ZNF385D: variants seen among roughly 807,000 people sequenced by gnomAD.
The protein encoded by ZNF385D is zinc finger protein 385D, also known as zinc finger protein 659.
Under a neutral mutation model 35.8 loss-of-function variants are expected in ZNF385D, and 15 were observed. The observed-to-expected ratio is 0.42, with a 90% CI of 0.28 to 0.64. ZNF385D has a LOEUF of 0.64. ZNF385D is among the 30% of genes least tolerant of loss of function. The pLI is 0.23. For missense variants in ZNF385D, 474 were observed against 494.6 expected (o/e 0.96, Z 0.39); for synonymous variants, 212 against 186.8 (o/e 1.13, Z -1.10).
chr3:21,720,183 G>A (rs2068481979), intron 1 of ZNF385D, among the ~76,000 whole-genome samples: 1 of 152,166 alleles, frequency 6.6e-6, no homozygotes, highest in African/African-American at 2.4e-5. Flanking sequence ...TGCAGCCAAG[G>A]CTGAGAGCCA....
In ZNF385D at chr3:21,977,494, G is replaced by C. The variant is rs192324158; in HGVS notation, c.325+191323C>G. Among the ~76,000 whole-genome samples the C allele has an allele frequency of 5.2e-3, 794 of 152,076 alleles. 13 individuals carry two copies. Among genetic ancestry groups the C allele is most frequent in the Non-Finnish European group, 5.2e-3 (351 of 67,984 alleles). On this transcript the variant is annotated intron_variant, in intron 3 of 5. Coordinates refer to the ZNF385D transcript ENST00000494108. ...AAGATGAAAAACAGTAATAAAGATA[G>C]GGTGGGAACTGTGTTTGCAGGTCTA...
intron 2 of ZNF385D, among the ~76,000 whole-genome samples, chr3:22,333,829 G>A (rs952080403): frequency 3.3e-5 from 5 of 152,134 alleles, no homozygotes; most frequent in South Asian, 2.1e-4. Context: ...GGTGGAAGCT[G>A]GTGGATACCA....
At chr3:22,185,953 G>C (rs1695602326) in intron 2 of ZNF385D, among the ~76,000 whole-genome samples, 1 of 152,172 alleles carries the variant, frequency 6.6e-6, no homozygotes, top group Admixed American at 6.6e-5. Flanking sequence ...AAGGTGGCAT[G>C]AAAGGGTAGA....
chr3:22,205,750 A>G (rs570434055), intron 2 of ZNF385D, among the ~76,000 whole-genome samples: 1 of 152,106 alleles, frequency 6.6e-6, no homozygotes, highest in Admixed American at 6.6e-5. Context: ...AAAATATTAT[A>G]ACAGATACAC....
chr3:22,009,665 G>A (rs1366856592), intron 3 of ZNF385D, among the ~76,000 whole-genome samples: 2 of 151,310 alleles, frequency 1.3e-5, no homozygotes, highest in African/African-American at 2.4e-5. Context: ...GAGAAATCAA[G>A]GTGCAGAAGG....
At chr3:21,965,953 A>G (rs1702889946) in intron 3 of ZNF385D, among the ~76,000 whole-genome samples, 1 of 152,176 alleles carries the variant, frequency 6.6e-6, no homozygotes, top group South Asian at 2.1e-4. Flanking sequence ...TCTTTGTACT[A>G]TTCTTGTAAA....
intron 4 of ZNF385D, among the ~76,000 whole-genome samples, chr3:21,483,062 CAT>C (rs756901779): frequency 1.3e-3 from 199 of 152,248 alleles, no homozygotes; most frequent in African/African-American, 4.2e-3. Flanking sequence ...AATTTTATCA[CAT>C]GTGTAGATTC....
chr3:21,451,431 G>C (rs1261992898), intron 4 of ZNF385D, among the ~76,000 whole-genome samples: 1 of 151,984 alleles, frequency 6.6e-6, no homozygotes, highest in Admixed American at 6.6e-5. Context: ...CTCAAAATGA[G>C]ATAAAGACTA....
chr3:21,778,135 A>C (rs576836569), intron 3 of ZNF385D, among the ~76,000 whole-genome samples: 51 of 152,064 alleles, frequency 3.4e-4, no homozygotes, highest in African/African-American at 1.2e-3. Flanking sequence ...ACTCAATGCA[A>C]AAATTTAAAC....
At chr3:21,947,979 T>C (rs536746626) in intron 3 of ZNF385D, among the ~76,000 whole-genome samples, 289 of 152,288 alleles carry the variant, frequency 1.9e-3, no homozygotes, top group African/African-American at 6.7e-3. Flanking sequence ...CTGATGCCAC[T>C]TGAAAAACCC....
chr3:22,244,819 T>C (rs550056052), intron 2 of ZNF385D, among the ~76,000 whole-genome samples: 20 of 146,060 alleles, frequency 1.4e-4, no homozygotes, highest in African/African-American at 4.4e-4. Context: ...ATTTTTTTCC[T>C]TGATTTTTTT....
intron 4 of ZNF385D, among the ~76,000 whole-genome samples, chr3:21,506,049 C>T (rs1220778838): frequency 3.3e-5 from 5 of 152,180 alleles, no homozygotes; most frequent in Non-Finnish European, 5.9e-5. Context: ...TAAAGCTCTT[C>T]TCTCCAAATT....
chr3:22,017,957 T>A (rs1319770151), intron 3 of ZNF385D, among the ~76,000 whole-genome samples: 1 of 151,972 alleles, frequency 6.6e-6, no homozygotes, highest in African/African-American at 2.4e-5. Context: ...TGAAGTTCTA[T>A]GTATAGAAAA....
intron 1 of ZNF385D, among the ~76,000 whole-genome samples, chr3:21,696,688 C>T (rs1354520814): frequency 6.6e-6 from 1 of 152,200 alleles, no homozygotes; most frequent in Non-Finnish European, 1.5e-5. Flanking sequence ...GTCCATCAAG[C>T]TTCTACAATG....
chr3:21,950,926 C>A (rs1366898725), intron 3 of ZNF385D, among the ~76,000 whole-genome samples: 1 of 151,616 alleles, frequency 6.6e-6, no homozygotes, highest in Non-Finnish European at 1.5e-5. Flanking sequence ...GGTACCTGTA[C>A]CATGCTGTTT....
chr3:22,198,955 C>G (rs989541644), intron 2 of ZNF385D, among the ~76,000 whole-genome samples: 4 of 152,096 alleles, frequency 2.6e-5, no homozygotes, highest in African/African-American at 7.2e-5. Flanking sequence ...TTCAATAAGT[C>G]TGTCTTAACA....
At chr3:21,566,622 A>G (rs1174206411) in intron 2 of ZNF385D, among the ~76,000 whole-genome samples, 3 of 152,176 alleles carry the variant, frequency 2.0e-5, no homozygotes, top group African/African-American at 7.2e-5. Flanking sequence ...CTCTGTCTCA[A>G]AAAACAAATT....
At chr3:22,005,239 A>G (rs551995323) in intron 3 of ZNF385D, among the ~76,000 whole-genome samples, 7 of 152,154 alleles carry the variant, frequency 4.6e-5, no homozygotes, top group South Asian at 4.1e-4. Flanking sequence ...ATGAGATAGC[A>G]TCTTATCCTA....
At chr3:21,880,637 A>G (rs1698229491) in intron 3 of ZNF385D, among the ~76,000 whole-genome samples, 1 of 152,002 alleles carries the variant, frequency 6.6e-6, no homozygotes, top group South Asian at 2.1e-4. Context: ...ATGGCCTCTA[A>G]GTGTTCAAAT....
Sources: allele counts gnomAD v4.1 joint callset (sites outside exome capture counted in the v4.1 genomes callset), GRCh38; gene constraint gnomAD v4.1.1; transcripts MANE v1.5; gene names NCBI Gene and HGNC (gene_info 2026-07-23, HGNC 2026-07-21).